Variants in AGBL4 observed in about 807,000 individuals in gnomAD.
AGBL4 encodes the protein cytosolic carboxypeptidase 6.
AGBL4 carries 58 observed loss-of-function variants against 66.4 expected under a neutral mutation model. The observed-to-expected ratio is 0.87, with a 90% CI of 0.71 to 1.09. AGBL4 has a LOEUF of 1.09. AGBL4 is among the 50% of genes least tolerant of loss of function. The pLI is 0.00. For missense variants in AGBL4, 579 were observed against 631.0 expected (o/e 0.92, Z 0.88); for synonymous variants, 234 against 222.9 (o/e 1.05, Z -0.44).
intron 7 of AGBL4, among the ~76,000 whole-genome samples, chr1:48,657,046 T>C (rs1296341851): frequency 6.6e-6 from 1 of 152,182 alleles, no homozygotes; most frequent in Non-Finnish European, 1.5e-5. Flanking sequence ...GGTCTGTTGG[T>C]AACGGAAAGC....
At chr1:48,761,103 C>T (rs969871238) in intron 6 of AGBL4, 5 of 478,874 alleles carry the variant, frequency 1.0e-5, no homozygotes, top group Non-Finnish European at 1.5e-5. Flanking sequence ...ACTGCACAGA[C>T]TGTGCAAACA....
rs114984376 is a variant in AGBL4, at chr1:48,791,689, C to T, written c.634+75502G>A. On this transcript the variant is annotated intron_variant, in intron 6 of 13. Transcript: ENST00000371839. The stretch of plus-strand genomic sequence containing the variant: ...GTGCAGATCTGACTAAGTCACTTGT[C>T]TTGTTAAGTTTTCTCATTTGTTGGA... 6.0e-3 allele frequency among the ~76,000 whole-genome samples: 921 copies of T among 152,276 alleles called. 7 individuals are homozygous for T. The highest frequency in any genetic ancestry group is 9.9e-3 in the Non-Finnish European group (675 of 68,018).
chr1:49,093,201 T>G (rs1461494384), intron 4 of AGBL4, among the ~76,000 whole-genome samples: 1 of 152,140 alleles, frequency 6.6e-6, no homozygotes, highest in Non-Finnish European at 1.5e-5. Context: ...GTCAGTCCCC[T>G]CCCAGCATCT....
rs77508230 is a variant in AGBL4, at chr1:49,633,753, A to G, written c.282+63560T>C. 7.0e-3 allele frequency among the ~76,000 whole-genome samples: 1,059 copies of G among 151,314 alleles called. 13 individuals are homozygous for G. Among genetic ancestry groups the G allele is most frequent in the African/African-American group, 0.024 (974 of 41,402 alleles). On this transcript the variant is annotated intron_variant, in intron 3 of 13. Transcript: ENST00000371839. ...CACACTATAAATTAAAATCAAAGAC[A>G]AATATTACTTTAAATACATGTATAT...
intron 3 of AGBL4, among the ~76,000 whole-genome samples, chr1:49,386,060 T>C (rs562106630): frequency 6.6e-6 from 1 of 152,154 alleles, no homozygotes; most frequent in African/African-American, 2.4e-5. Context: ...AAAGAAATTC[T>C]TACAATCCTA....
intron 6 of AGBL4, among the ~76,000 whole-genome samples, chr1:48,711,916 T>A (rs1316454783): frequency 6.6e-6 from 1 of 152,138 alleles, no homozygotes; most frequent in African/African-American, 2.4e-5. Context: ...CTGGAGTACA[T>A]CCTCCTTCCT....
At chr1:48,589,960 A>G (rs1644885977) in intron 10 of AGBL4, among the ~76,000 whole-genome samples, 1 of 152,218 alleles carries the variant, frequency 6.6e-6, no homozygotes, top group Non-Finnish European at 1.5e-5. Flanking sequence ...CAACTCCATT[A>G]AAGAAGGCCG....
intron 3 of AGBL4, among the ~76,000 whole-genome samples, chr1:49,657,575 G>A (rs1383923777): frequency 6.6e-6 from 1 of 152,136 alleles, no homozygotes; most frequent in Non-Finnish European, 1.5e-5. Context: ...AAAGAACAAA[G>A]CTGGAAGCAT....
At chr1:49,377,112 A>G (rs533184341) in intron 3 of AGBL4, among the ~76,000 whole-genome samples, 10 of 152,192 alleles carry the variant, frequency 6.6e-5, no homozygotes, top group Admixed American at 2.6e-4. Flanking sequence ...GTAAAAGAAA[A>G]CTTTTGTTGG....
chr1:49,297,369 G>T (rs1483510473), intron 3 of AGBL4, among the ~76,000 whole-genome samples: 4 of 152,158 alleles, frequency 2.6e-5, no homozygotes, highest in African/African-American at 9.7e-5. Context: ...AGATAGAAAA[G>T]TCTGTGTAAA....
At chr1:49,139,742 C>T (rs1244668953) in intron 4 of AGBL4, among the ~76,000 whole-genome samples, 1 of 152,070 alleles carries the variant, frequency 6.6e-6, no homozygotes, top group African/African-American at 2.4e-5. Flanking sequence ...ATTATGAGGG[C>T]CAAATGAGAT....
At chr1:49,088,356 A>C (rs181465491) in intron 4 of AGBL4, among the ~76,000 whole-genome samples, 4 of 152,158 alleles carry the variant, frequency 2.6e-5, no homozygotes, top group African/African-American at 9.7e-5. Context: ...AACCTATCTC[A>C]TATGCAATAA....
At chr1:49,688,543 A>G (rs940737900) in intron 3 of AGBL4, among the ~76,000 whole-genome samples, 7 of 152,198 alleles carry the variant, frequency 4.6e-5, no homozygotes, top group Admixed American at 3.3e-4. Context: ...TATACATGAC[A>G]TTGCAAATAT....
At chr1:48,857,965 T>C (rs1484388678) in intron 6 of AGBL4, among the ~76,000 whole-genome samples, 1 of 152,104 alleles carries the variant, frequency 6.6e-6, no homozygotes, top group Non-Finnish European at 1.5e-5. Flanking sequence ...TGAAAACCTC[T>C]TAAATGCAAT....
chr1:49,704,105 A>G (rs185647327), intron 2 of AGBL4, among the ~76,000 whole-genome samples: 39 of 152,236 alleles, frequency 2.6e-4, no homozygotes, highest in East Asian at 3.9e-4. Context: ...TTTCTCCCCA[A>G]TGTATGTATA....
chr1:49,173,786 A>C (rs947782543), intron 4 of AGBL4, among the ~76,000 whole-genome samples: 5 of 152,106 alleles, frequency 3.3e-5, no homozygotes, highest in African/African-American at 1.2e-4. Context: ...ATCTCTTGGA[A>C]GAGCTTCTAG....
At chr1:49,494,524 G>A (rs1647355233) in intron 3 of AGBL4, among the ~76,000 whole-genome samples, 1 of 151,824 alleles carries the variant, frequency 6.6e-6, no homozygotes, top group South Asian at 2.1e-4. Context: ...AATATGTGGT[G>A]TTTGGTTTTT....
chr1:49,082,191 T>C lies in AGBL4; in HGVS notation c.378-36391A>G, dbSNP rs369347023. Among the ~76,000 whole-genome samples the C allele has an allele frequency of 8.3e-4, 126 of 152,240 alleles. 1 individual carries two copies. The South Asian group carries it at 0.025, about 30-fold the overall frequency. ...TTATAAACTGCTGGGGTAGATGTGA[T>C]GTAGGAGAGAAGACACCCATTCCTA... On this transcript the variant is annotated intron_variant, in intron 4 of 13. Coordinates refer to ENST00000371839, the MANE Select transcript of AGBL4 (RefSeq NM_032785.4).
At chr1:49,550,557 T>G (rs924688419) in intron 3 of AGBL4, among the ~76,000 whole-genome samples, 3 of 152,188 alleles carry the variant, frequency 2.0e-5, no homozygotes, top group Non-Finnish European at 4.4e-5. Flanking sequence ...CCTTCATACA[T>G]GATGCTTAGT....
Sources: gnomAD v4.1 joint callset for allele counts (sites outside exome capture counted in the v4.1 genomes callset) on GRCh38, gnomAD v4.1.1 for gene constraint, MANE v1.5 for transcripts, NCBI Gene and HGNC (gene_info 2026-07-23, HGNC 2026-07-21) for gene names.